Variants in AGBL4 observed in about 807,000 individuals in gnomAD.
AGBL4 encodes cytosolic carboxypeptidase 6.
AGBL4 carries 58 observed loss-of-function variants against 66.4 expected under a neutral mutation model. The observed-to-expected ratio is 0.87, with a 90% confidence interval of 0.71 to 1.09. AGBL4 has a LOEUF of 1.09. AGBL4 is among the 50% of genes least tolerant of loss of function. The probability of loss-of-function intolerance (pLI) is 0.00; values close to 1 mark genes in which losing one functional copy is unlikely to be tolerated. For missense variants in AGBL4, 579 were observed against 631.0 expected (o/e 0.92, Z 0.88); for synonymous variants, 234 against 222.9 (o/e 1.05, Z -0.44).
intron 3 of AGBL4, among the ~76,000 whole-genome samples, chr1:49,694,711 A>G (rs1558168564): frequency 6.6e-6 from 1 of 152,206 alleles, no homozygotes; most frequent in Non-Finnish European, 1.5e-5. Context: ...TTCGACATGT[A>G]ATAAGTAAGT....
At chr1:48,869,563 A>C (rs1648441801) in intron 5 of AGBL4, among the ~76,000 whole-genome samples, 1 of 152,216 alleles carries the variant, frequency 6.6e-6, no homozygotes, top group Admixed American at 6.5e-5. Flanking sequence ...TTTAAAGAAA[A>C]AAGGGAAGAA....
intron 3 of AGBL4, among the ~76,000 whole-genome samples, chr1:49,521,056 A>G (rs1401619520): frequency 6.6e-6 from 1 of 151,652 alleles, no homozygotes; most frequent in Non-Finnish European, 1.5e-5. Context: ...TGATCCACCC[A>G]CCTTGGCCCC....
intron 4 of AGBL4, among the ~76,000 whole-genome samples, chr1:49,211,971 G>T (rs552987516): frequency 6.6e-6 from 1 of 152,176 alleles, no homozygotes; most frequent in East Asian, 1.9e-4. Context: ...TATCACATGT[G>T]ATGTCACTCA....
At chr1:49,313,644 CAT>C (rs1375046108) in intron 3 of AGBL4, among the ~76,000 whole-genome samples, 4 of 152,096 alleles carry the variant, frequency 2.6e-5, no homozygotes, top group Non-Finnish European at 5.9e-5. Flanking sequence ...AGCTTTTTTT[CAT>C]ATGTTTGTTG....
chr1:49,472,719 G>A (rs1646768943), intron 3 of AGBL4, among the ~76,000 whole-genome samples: 1 of 151,900 alleles, frequency 6.6e-6, no homozygotes, highest in African/African-American at 2.4e-5. Flanking sequence ...TGTTACATGG[G>A]TATATTGTGT....
chr1:49,736,472 A>G (rs889769320), intron 2 of AGBL4, among the ~76,000 whole-genome samples: 6 of 152,142 alleles, frequency 3.9e-5, no homozygotes, highest in African/African-American at 1.4e-4. Context: ...AAATTAAAAA[A>G]CCTGCCCTAT....
intron 5 of AGBL4, among the ~76,000 whole-genome samples, chr1:48,934,099 T>C (rs917407814): frequency 3.3e-5 from 5 of 152,214 alleles, no homozygotes; most frequent in Admixed American, 1.3e-4. Context: ...TTTTCCCTAA[T>C]GTTTATCTAA....
chr1:49,251,159 T>C (rs144867402), intron 3 of AGBL4, among the ~76,000 whole-genome samples: 12 of 152,252 alleles, frequency 7.9e-5, no homozygotes, highest in South Asian at 2.1e-4. Context: ...AAACCATATC[T>C]TCTGTGTGAG....
chr1:48,677,790 A>T (rs531129502), intron 6 of AGBL4, among the ~76,000 whole-genome samples: 10 of 152,370 alleles, frequency 6.6e-5, no homozygotes, highest in African/African-American at 2.2e-4. Flanking sequence ...TGCAAGCCAG[A>T]CACACAGGGA....
At chr1:49,986,092 C>T (rs1659483026) in intron 1 of AGBL4, among the ~76,000 whole-genome samples, 1 of 152,040 alleles carries the variant, frequency 6.6e-6, no homozygotes, top group Non-Finnish European at 1.5e-5. Context: ...AACATACATA[C>T]AGAAAAGCAC....
At chr1:49,936,068 C>T (rs562414847) in intron 1 of AGBL4, among the ~76,000 whole-genome samples, 1 of 152,124 alleles carries the variant, frequency 6.6e-6, no homozygotes, top group South Asian at 2.1e-4. Context: ...AAACCAAAGG[C>T]AAAGAAGATA....
chr1:48,776,741 C>G (rs1345293464), intron 6 of AGBL4: 1 of 1,527,946 alleles, frequency 6.5e-7, no homozygotes, highest in Non-Finnish European at 8.8e-7. Context: ...TTGTCAAAAT[C>G]CAGCCGCGAG....
chr1:49,608,737 C>T lies in AGBL4; in HGVS notation c.282+88576G>A, dbSNP rs140422441. ...TCCTATTCCTCAGTAAATGCATCTC[C>T]TAGCCTGAAAAAGAACTAAAAAAAA... is the stretch of plus-strand genomic sequence containing the variant. On this transcript the variant is annotated intron_variant, in intron 3 of 13. Transcript: ENST00000371839. Among the ~76,000 whole-genome samples, 276 of 152,214 alleles carry T rather than the reference C, an allele frequency of 1.8e-3. 1 individual carries two copies. The highest frequency in any genetic ancestry group is 6.3e-3 in the African/African-American group (261 of 41,554).
intron 3 of AGBL4, among the ~76,000 whole-genome samples, chr1:49,366,187 T>C (rs1644238163): frequency 6.6e-6 from 1 of 152,210 alleles, no homozygotes. Flanking sequence ...CTGTCTCCTC[T>C]GGGACCTTAA....
intron 1 of AGBL4, among the ~76,000 whole-genome samples, chr1:49,962,044 CA>C (rs1462810401): frequency 6.6e-6 from 1 of 152,022 alleles, no homozygotes; most frequent in African/African-American, 2.4e-5. Flanking sequence ...TATTTGAAGA[CA>C]AAAAAGAGAA....
chr1:49,247,427 G>A (rs1188741895), intron 3 of AGBL4, among the ~76,000 whole-genome samples: 1 of 151,996 alleles, frequency 6.6e-6, no homozygotes, highest in Non-Finnish European at 1.5e-5. Context: ...ATTAAATTAA[G>A]TCATCAAGAA....
intron 3 of AGBL4, among the ~76,000 whole-genome samples, chr1:49,366,927 GAGAA>G (rs1644251860): frequency 2.6e-5 from 4 of 152,182 alleles, no homozygotes; most frequent in Admixed American, 2.6e-4. Flanking sequence ...GAGGCTCTGA[GAGAA>G]AACTGACATT....
At chr1:48,604,588 T>A (rs1310067293) in intron 9 of AGBL4, among the ~76,000 whole-genome samples, 2 of 152,184 alleles carry the variant, frequency 1.3e-5, no homozygotes, top group East Asian at 3.8e-4. Context: ...TGCACACTTT[T>A]GTTAGGATAC....
At chr1:49,158,453 C>A (rs1646477458) in intron 4 of AGBL4, among the ~76,000 whole-genome samples, 1 of 152,062 alleles carries the variant, frequency 6.6e-6, no homozygotes, top group South Asian at 2.1e-4. Flanking sequence ...GATTTCTGTT[C>A]TTTTGCATTT....
Sources: gnomAD v4.1 joint callset for allele counts (sites outside exome capture counted in the v4.1 genomes callset) on GRCh38, gnomAD v4.1.1 for gene constraint, MANE v1.5 for transcripts, NCBI Gene and HGNC (gene_info 2026-07-23, HGNC 2026-07-21) for gene names.